NREP: variants seen among roughly 807,000 people sequenced by gnomAD.
NREP encodes the protein neuronal regeneration-related protein.
A neutral mutation model predicts 8.6 loss-of-function variants in NREP; 5 were observed. The observed-to-expected ratio is 0.58, with a 90% CI of 0.30 to 1.22. The LOEUF (loss-of-function observed/expected upper bound fraction) is 1.22. NREP is among the 50% of genes most tolerant of loss of function. The pLI, the probability that NREP is intolerant of heterozygous loss-of-function variation, is 0.07. For missense variants in NREP, 86 were observed against 82.5 expected (o/e 1.04, Z -0.17); for synonymous variants, 27 against 28.0 (o/e 0.96, Z 0.11).
intron 2 of NREP, among the ~76,000 whole-genome samples, chr5:111,820,911 A>G (rs777695954): frequency 6.6e-6 from 1 of 152,238 alleles, no homozygotes; most frequent in Non-Finnish European, 1.5e-5. Flanking sequence ...AGAAACAGAG[A>G]TGAGAAGTAA....
chr5:111,917,125 G>C (rs1384238173), intron 2 of NREP, among the ~76,000 whole-genome samples: 1 of 152,030 alleles, frequency 6.6e-6, no homozygotes, highest in African/African-American at 2.4e-5. Context: ...CGCATGCATG[G>C]TGTCCTTGCA....
chr5:111,951,936 T>C (rs1156342193), intron 2 of NREP, among the ~76,000 whole-genome samples: 3 of 152,028 alleles, frequency 2.0e-5, no homozygotes, highest in African/African-American at 7.2e-5. Context: ...CAAAAGTGGA[T>C]ACCTCCCCAT....
chr5:111,778,619 T>C (rs1284733299), intron 2 of NREP, among the ~76,000 whole-genome samples: 3 of 152,208 alleles, frequency 2.0e-5, no homozygotes, highest in Non-Finnish European at 4.4e-5. Context: ...AATTTGCTAA[T>C]GTATTTCACT....
At chr5:111,839,042 G>A (rs191542379) in intron 2 of NREP, among the ~76,000 whole-genome samples, 1 of 152,084 alleles carries the variant, frequency 6.6e-6, no homozygotes, top group East Asian at 1.9e-4. Context: ...GGGATGTCAT[G>A]ACGTTTCTAG....
At chr5:111,771,561 G>A (rs1252913317) in intron 2 of NREP, among the ~76,000 whole-genome samples, 5 of 151,954 alleles carry the variant, frequency 3.3e-5, no homozygotes, top group Admixed American at 1.3e-4. Context: ...TCAGAAGTTC[G>A]AGACCAGCCT....
At chr5:111,894,319 G>A (rs1424915589) in intron 2 of NREP, among the ~76,000 whole-genome samples, 1 of 152,020 alleles carries the variant, frequency 6.6e-6, no homozygotes, top group Non-Finnish European at 1.5e-5. Flanking sequence ...CAATTTAAGT[G>A]GCTATATTTA....
chr5:111,949,138 A>G (rs1248288160), intron 2 of NREP: 3 of 152,208 alleles, frequency 2.0e-5, no homozygotes, highest in South Asian at 2.1e-4. Context: ...TCCAATCACA[A>G]ATAATAATCC....
chr5:111,884,037 T>C (rs1754167427), intron 2 of NREP, among the ~76,000 whole-genome samples: 1 of 152,102 alleles, frequency 6.6e-6, no homozygotes, highest in Admixed American at 6.5e-5. Context: ...ATCCAGGAGC[T>C]GGTTTTTTGA....
chr5:111,875,256 T>C (rs1047669032), intron 2 of NREP, among the ~76,000 whole-genome samples: 5 of 152,066 alleles, frequency 3.3e-5, no homozygotes, highest in African/African-American at 1.2e-4. Flanking sequence ...AAATAATACA[T>C]ACTCTAAAAA....
At chr5:111,883,567 T>G (rs553387637) in intron 2 of NREP, among the ~76,000 whole-genome samples, 3 of 152,164 alleles carry the variant, frequency 2.0e-5, no homozygotes, top group South Asian at 4.1e-4. Context: ...GACCACATAC[T>G]TGGAAGTAAA....
chr5:111,757,608 GGC>G (rs759847565), upstream of NREP: 4 of 983,378 alleles, frequency 4.1e-6, no homozygotes. Context: ...GCGGCCAACA[GGC>G]GCGCGCGCCC....
chr5:111,848,103 C>CT (rs1243437434), intron 2 of NREP, among the ~76,000 whole-genome samples: 1 of 152,154 alleles, frequency 6.6e-6, no homozygotes, highest in South Asian at 2.1e-4. Context: ...TACAAATACT[C>CT]TAAGCTAATA....
chr5:111,751,992 G>A (rs1042736991), intron 2 of NREP, among the ~76,000 whole-genome samples: 23 of 152,148 alleles, frequency 1.5e-4, no homozygotes, highest in African/African-American at 5.1e-4. Flanking sequence ...AACTGACCAA[G>A]TAAATTAATA....
intron 2 of NREP, among the ~76,000 whole-genome samples, chr5:111,836,251 T>C (rs1231996248): frequency 6.6e-6 from 1 of 152,004 alleles, no homozygotes; most frequent in East Asian, 1.9e-4. Flanking sequence ...ACACTGCCCC[T>C]CAAAACAGGC....
chr5:111,937,814 T>C (rs1231369793), intron 2 of NREP, among the ~76,000 whole-genome samples: 1 of 152,040 alleles, frequency 6.6e-6, no homozygotes, highest in African/African-American at 2.4e-5. Flanking sequence ...CAGCAGCCTG[T>C]CACCCACATA....
intron 2 of NREP, among the ~76,000 whole-genome samples, chr5:111,935,350 C>A (rs1225037063): frequency 6.6e-6 from 1 of 152,016 alleles, no homozygotes; most frequent in African/African-American, 2.4e-5. Flanking sequence ...GCAGAGAGGA[C>A]CAATGGACCT....
intron 2 of NREP, among the ~76,000 whole-genome samples, chr5:111,803,675 T>C (rs376330716): frequency 7.2e-4 from 109 of 152,338 alleles, no homozygotes; most frequent in African/African-American, 2.6e-3. Flanking sequence ...ATATTTAGCA[T>C]AATTGATAGT....
chr5:111,894,898 A>C (rs1754472437), intron 2 of NREP, among the ~76,000 whole-genome samples: 1 of 152,216 alleles, frequency 6.6e-6, no homozygotes, highest in African/African-American at 2.4e-5. Flanking sequence ...CTTCTGCAAC[A>C]ATAACAATTA....
At chr5:111,939,398 T>A (rs1755769488) in intron 2 of NREP, among the ~76,000 whole-genome samples, 1 of 152,016 alleles carries the variant, frequency 6.6e-6, no homozygotes, top group Admixed American at 6.6e-5. Flanking sequence ...TAAAGATACT[T>A]TAGAGCAATC....
Sources: allele counts gnomAD v4.1 joint callset (sites outside exome capture counted in the v4.1 genomes callset), GRCh38; gene constraint gnomAD v4.1.1; transcripts MANE v1.5; gene names NCBI Gene and HGNC (gene_info 2026-07-23, HGNC 2026-07-21).